Variants in RSRC1 observed in about 807,000 individuals in gnomAD.
The protein encoded by RSRC1 is serine/Arginine-related protein 53.
In RSRC1, 39 loss-of-function variants were observed where a neutral mutation model predicts 49.1. That is an observed-to-expected ratio of 0.79 (90% confidence interval 0.61 to 1.04). The LOEUF (loss-of-function observed/expected upper bound fraction) is 1.04, where lower values mean the gene tolerates loss of function less well. Ranked by LOEUF, RSRC1 falls within the 50% of genes least tolerant of loss-of-function variation. The probability of loss-of-function intolerance (pLI) is 0.00; values close to 1 mark genes in which losing one functional copy is unlikely to be tolerated. For missense variants in RSRC1, 388 were observed against 402.4 expected, an observed-to-expected ratio of 0.96 and a Z score of 0.31; for synonymous variants, 143 against 130.8, an observed-to-expected ratio of 1.09 and a Z score of -0.63.
chr3:158,504,276 G>T (rs1221227461), intron 7 of RSRC1, among the ~76,000 whole-genome samples: 1 of 152,146 alleles, frequency 6.6e-6, no homozygotes, highest in Non-Finnish European at 1.5e-5. Flanking sequence ...AGCTCTGTGG[G>T]TCCTCTCCGG....
At chr3:158,322,407 G>A (rs1191758204) in intron 5 of RSRC1, among the ~76,000 whole-genome samples, 3 of 152,016 alleles carry the variant, frequency 2.0e-5, no homozygotes, top group Admixed American at 6.6e-5. Flanking sequence ...CCAGCCCACC[G>A]CAAACTAAAT....
chr3:158,446,041 C>T (rs1052819360), intron 6 of RSRC1, among the ~76,000 whole-genome samples: 1 of 151,854 alleles, frequency 6.6e-6, no homozygotes, highest in Non-Finnish European at 1.5e-5. Context: ...CCCTAAAGTA[C>T]CATAATTAAT....
At chr3:158,396,815 T>C (rs1384795149) in intron 6 of RSRC1, among the ~76,000 whole-genome samples, 3 of 152,122 alleles carry the variant, frequency 2.0e-5, no homozygotes, top group African/African-American at 4.8e-5. Context: ...ATAACAGCAA[T>C]AATGGCTAAG....
At chr3:158,529,965 C>T (rs1383772329) in intron 7 of RSRC1, among the ~76,000 whole-genome samples, 1 of 151,842 alleles carries the variant, frequency 6.6e-6, no homozygotes, top group East Asian at 2.0e-4. Context: ...TGGTAAAATT[C>T]AGCTGGGCCT....
At chr3:158,476,338 A>G (rs1172034168) in intron 7 of RSRC1, among the ~76,000 whole-genome samples, 1 of 152,216 alleles carries the variant, frequency 6.6e-6, no homozygotes, top group African/African-American at 2.4e-5. Context: ...GCTAAACAAC[A>G]GATTTTCAAT....
intron 7 of RSRC1, among the ~76,000 whole-genome samples, chr3:158,512,038 G>C (rs1452151192): frequency 6.9e-6 from 1 of 144,872 alleles, no homozygotes; most frequent in Non-Finnish European, 1.5e-5. Context: ...CAGATGAGTA[G>C]GTTGCGAAAA....
At chr3:158,356,238 A>T (rs1367639347) in intron 6 of RSRC1, among the ~76,000 whole-genome samples, 3 of 152,084 alleles carry the variant, frequency 2.0e-5, no homozygotes. Flanking sequence ...TGAGAATTCT[A>T]TTTTAACATC....
intron 5 of RSRC1, among the ~76,000 whole-genome samples, chr3:158,342,197 C>T (rs555822256): frequency 1.3e-5 from 2 of 152,106 alleles, no homozygotes; most frequent in African/African-American, 4.8e-5. Flanking sequence ...GTTGGGAAGG[C>T]ATGGTTGGCT....
chr3:158,473,462 A>G (rs1032343391), intron 7 of RSRC1, among the ~76,000 whole-genome samples: 10 of 152,126 alleles, frequency 6.6e-5, no homozygotes, highest in African/African-American at 2.2e-4. Flanking sequence ...GAATTGAACA[A>G]TGAGAACACT....
chr3:158,525,667 G>T (rs141475561), intron 7 of RSRC1, among the ~76,000 whole-genome samples: 1 of 152,096 alleles, frequency 6.6e-6, no homozygotes, highest in Non-Finnish European at 1.5e-5. Flanking sequence ...ATGTTCATCT[G>T]CAGGTGAATA....
chr3:158,444,169 T>C (rs538912868), intron 6 of RSRC1, among the ~76,000 whole-genome samples: 7 of 152,264 alleles, frequency 4.6e-5, no homozygotes, highest in African/African-American at 1.7e-4. Context: ...TTAAACTTCA[T>C]ATGGAGCCAA....
intron 3 of RSRC1, among the ~76,000 whole-genome samples, chr3:158,184,472 T>G (rs1719814241): frequency 1.3e-5 from 2 of 152,148 alleles, no homozygotes; most frequent in African/African-American, 4.8e-5. Flanking sequence ...TGGTGACCAT[T>G]GAGATGTTTC....
At chr3:158,404,273 C>T (rs553375972) in intron 6 of RSRC1, among the ~76,000 whole-genome samples, 1 of 151,966 alleles carries the variant, frequency 6.6e-6, no homozygotes, top group Non-Finnish European at 1.5e-5. Flanking sequence ...TAACTTAGAG[C>T]ACATTCATTT....
At chr3:158,431,316 GCTAACATA>G (rs1735761412) in intron 6 of RSRC1, among the ~76,000 whole-genome samples, 1 of 151,738 alleles carries the variant, frequency 6.6e-6, no homozygotes, top group Admixed American at 6.6e-5. Context: ...CATCTTAACA[GCTAACATA>G]AATTTTCTAT....
intron 4 of RSRC1, among the ~76,000 whole-genome samples, chr3:158,280,669 C>T (rs551663842): frequency 5.0e-4 from 40 of 80,564 alleles, no homozygotes; most frequent in South Asian, 3.8e-4. Context: ...TTTTTTGAGA[C>T]GGAGTCTTGC....
chr3:158,411,311 C>A (rs563540014), intron 6 of RSRC1, among the ~76,000 whole-genome samples: 1 of 152,080 alleles, frequency 6.6e-6, no homozygotes, highest in Non-Finnish European at 1.5e-5. Context: ...ATACTCTATA[C>A]CTAAAAGTGG....
At chr3:158,325,530 G>C (rs1296872097) in intron 5 of RSRC1, among the ~76,000 whole-genome samples, 2 of 152,158 alleles carry the variant, frequency 1.3e-5, no homozygotes, top group African/African-American at 4.8e-5. Flanking sequence ...TCAAAGATCA[G>C]ATGGTTGTAG....
At chr3:158,450,331 CTTT>C (rs57318071) in intron 6 of RSRC1, among the ~76,000 whole-genome samples, 2 of 127,276 alleles carry the variant, frequency 1.6e-5, no homozygotes, top group South Asian at 2.4e-4. Flanking sequence ...TTCTTTTTTG[CTTT>C]TTTTTTTTTT....
chr3:158,466,888 C>G (rs1239646648), intron 7 of RSRC1, among the ~76,000 whole-genome samples: 1 of 151,952 alleles, frequency 6.6e-6, no homozygotes, highest in Non-Finnish European at 1.5e-5. Context: ...ATAGTGAGAC[C>G]CTGTCTCAAA....
Sources: gnomAD v4.1 joint callset for allele counts (sites outside exome capture counted in the v4.1 genomes callset) on GRCh38, gnomAD v4.1.1 for gene constraint, MANE v1.5 for transcripts, NCBI Gene and HGNC (gene_info 2026-07-23, HGNC 2026-07-21) for gene names.